SPMIP11: variants seen among roughly 807,000 people sequenced by gnomAD.
SPMIP11 encodes sperm microtubule inner protein 11, also known as long intergenic non-protein coding RNA 935.
the SPMIP11 span, among the ~76,000 whole-genome samples, chr12:48,757,911 T>C: frequency 6.6e-6 from 1 of 151,710 alleles, no homozygotes; most frequent in Non-Finnish European, 1.5e-5. Flanking sequence ...GGAGAATCGC[T>C]TGAACCCGGC....
chr12:48,759,234 G>C, the SPMIP11 span: 3 of 702,930 alleles, frequency 4.3e-6, no homozygotes, highest in African/African-American at 1.7e-5. Flanking sequence ...AGCCTACTAG[G>C]CTTCCCCCCA....
chr12:48,731,277 G>A, the SPMIP11 span, among the ~76,000 whole-genome samples: 1 of 152,198 alleles, frequency 6.6e-6, no homozygotes, highest in Non-Finnish European at 1.5e-5. Context: ...CGGATCATGA[G>A]GTCAGGAGAT....
the SPMIP11 span, chr12:48,765,835 G>T: frequency 3.4e-6 from 2 of 593,936 alleles, no homozygotes; most frequent in South Asian, 2.0e-5. Flanking sequence ...GGATGGGAGT[G>T]ATTCCAGTGT....
chr12:48,762,714 T>G, the SPMIP11 span, among the ~76,000 whole-genome samples: 1 of 151,886 alleles, frequency 6.6e-6, no homozygotes, highest in South Asian at 2.1e-4. Flanking sequence ...GAAGAACAGA[T>G]CACTGATTTC....
chr12:48,731,360 A>G, the SPMIP11 span, among the ~76,000 whole-genome samples: 89,517 of 151,932 alleles, frequency 0.59, 26,708 homozygotes, highest in East Asian at 0.76. Context: ...GTGTGGCAGC[A>G]TGTGCCTGTA....
the SPMIP11 span, among the ~76,000 whole-genome samples, chr12:48,762,535 T>G: frequency 2.0e-5 from 3 of 151,550 alleles, no homozygotes; most frequent in Non-Finnish European, 2.9e-5. Flanking sequence ...GCCTGGCTAA[T>G]TTTTGTATTT....
chr12:48,747,075 C>A, the SPMIP11 span, among the ~76,000 whole-genome samples: 1 of 152,176 alleles, frequency 6.6e-6, no homozygotes, highest in Admixed American at 6.6e-5. Context: ...CTGGCCCTTA[C>A]AGACAACTGA....
the SPMIP11 span, among the ~76,000 whole-genome samples, chr12:48,739,216 A>G: frequency 3.9e-5 from 6 of 152,278 alleles, no homozygotes; most frequent in Admixed American, 2.0e-4. Flanking sequence ...TTTAAGGGTA[A>G]GAAACAAAAA....
At chr12:48,727,651 G>A in the SPMIP11 span, 1 of 656,454 alleles carries the variant, frequency 1.5e-6, no homozygotes, top group South Asian at 1.7e-5. Flanking sequence ...TCCTACCTGG[G>A]GTTAGAGATT....
chr12:48,727,977 G>C, the SPMIP11 span, among the ~76,000 whole-genome samples: 1 of 151,700 alleles, frequency 6.6e-6, no homozygotes, highest in African/African-American at 2.4e-5. Context: ...CTTGAGCCCA[G>C]GAGGTCAAGG....
the SPMIP11 span, among the ~76,000 whole-genome samples, chr12:48,760,626 A>C: frequency 6.6e-6 from 1 of 152,094 alleles, no homozygotes; most frequent in East Asian, 1.9e-4. Context: ...TCCCTTGTTC[A>C]AGTGATTCTT....
chr12:48,768,369 TAAGA>T, the SPMIP11 span: 28 of 639,770 alleles, frequency 4.4e-5, no homozygotes, highest in African/African-American at 3.7e-4. Context: ...CTACCCCAAG[TAAGA>T]AAGAAAGTCA....
chr12:48,743,253 G>A, the SPMIP11 span, among the ~76,000 whole-genome samples: 1 of 151,302 alleles, frequency 6.6e-6, no homozygotes, highest in African/African-American at 2.4e-5. Flanking sequence ...AAAAAGTCAG[G>A]CGTGGTGGCA....
the SPMIP11 span, among the ~76,000 whole-genome samples, chr12:48,752,913 C>T: frequency 1.3e-5 from 2 of 152,158 alleles, no homozygotes; most frequent in South Asian, 2.1e-4. Context: ...CTCAGGTGAT[C>T]CACCCACCTT....
At chr12:48,733,070 ATCTT>A in the SPMIP11 span, among the ~76,000 whole-genome samples, 1 of 80,974 alleles carries the variant, frequency 1.2e-5, no homozygotes, top group Admixed American at 1.9e-4. Context: ...CCACAAGTTA[ATCTT>A]TTTTTTTTTT....
chr12:48,756,075 G>A, the SPMIP11 span, among the ~76,000 whole-genome samples: 1 of 151,510 alleles, frequency 6.6e-6, no homozygotes, highest in South Asian at 2.1e-4. Context: ...AGTAGAGACG[G>A]GGTTTCACTG....
the SPMIP11 span, among the ~76,000 whole-genome samples, chr12:48,729,792 A>G: frequency 1.8e-4 from 27 of 151,920 alleles, no homozygotes; most frequent in African/African-American, 6.3e-4. Flanking sequence ...AATTCCATCA[A>G]AGAAGTTCTG....
the SPMIP11 span, among the ~76,000 whole-genome samples, chr12:48,739,172 C>G: frequency 6.6e-6 from 1 of 152,052 alleles, no homozygotes; most frequent in Admixed American, 6.6e-5. Context: ...TTACTCACCT[C>G]AAATAACTAG....
At chr12:48,765,374 G>A in the SPMIP11 span, among the ~76,000 whole-genome samples, 4 of 152,126 alleles carry the variant, frequency 2.6e-5, no homozygotes, top group Non-Finnish European at 5.9e-5. Context: ...GGGATTACAG[G>A]CACCCGCCAC....
Sources: gnomAD v4.1 joint callset for allele counts (sites outside exome capture counted in the v4.1 genomes callset) on GRCh38, gnomAD v4.1.1 for gene constraint, MANE v1.5 for transcripts, NCBI Gene and HGNC (gene_info 2026-07-23, HGNC 2026-07-21) for gene names.